NCALD: variants seen among roughly 807,000 people sequenced by gnomAD.
The protein encoded by NCALD is neurocalcin delta, also known as neurocalcin-delta.
A neutral mutation model predicts 18.6 loss-of-function variants in NCALD; 10 were observed. The ratio of observed to expected loss-of-function variants is 0.54; its 90% confidence interval spans 0.33 to 0.91. The LOEUF is 0.91. NCALD is among the 40% of genes least tolerant of loss of function. NCALD has a pLI of 0.03. For synonymous variants in NCALD, 88 were observed against 87.4 expected, an observed-to-expected ratio of 1.01 and a Z score of -0.04; for missense variants, 184 against 247.6, an observed-to-expected ratio of 0.74 and a Z score of 1.72.
chr8:101,751,150 T>C (rs1438818170), intron 1 of NCALD, among the ~76,000 whole-genome samples: 2 of 152,220 alleles, frequency 1.3e-5, no homozygotes, highest in African/African-American at 2.4e-5. Flanking sequence ...AATGGAATAC[T>C]ATCCAGCCTT....
upstream of NCALD, among the ~76,000 whole-genome samples, chr8:101,794,446 C>T (rs1337649127): frequency 1.3e-5 from 2 of 150,266 alleles, no homozygotes; most frequent in African/African-American, 5.0e-5. Flanking sequence ...AAAGAAAGAA[C>T]AAAAATGTTG....
intron 2 of NCALD, among the ~76,000 whole-genome samples, chr8:101,995,208 A>C (rs1821193716): frequency 6.6e-6 from 1 of 152,228 alleles, no homozygotes; most frequent in Non-Finnish European, 1.5e-5. Flanking sequence ...GGCAACTAAG[A>C]TGCGAGAAGG....
chr8:102,019,049 T>G (rs1822184917), intron 2 of NCALD, among the ~76,000 whole-genome samples: 1 of 152,040 alleles, frequency 6.6e-6, no homozygotes, highest in South Asian at 2.1e-4. Context: ...TGCCTACAAC[T>G]CAATAAGAAA....
chr8:101,938,452 G>T (rs1032772151), intron 2 of NCALD, among the ~76,000 whole-genome samples: 1 of 152,172 alleles, frequency 6.6e-6, no homozygotes, highest in African/African-American at 2.4e-5. Flanking sequence ...CTGACTCAGA[G>T]CCAGAGCTCT....
intron 4 of NCALD, among the ~76,000 whole-genome samples, chr8:101,814,612 C>T (rs1276555473): frequency 2.6e-5 from 4 of 151,842 alleles, no homozygotes; most frequent in African/African-American, 4.8e-5. Flanking sequence ...CAACATCATA[C>T]TGGAATGACG....
At chr8:102,121,967 A>G (rs879448071) in intron 1 of NCALD, among the ~76,000 whole-genome samples, 2 of 152,214 alleles carry the variant, frequency 1.3e-5, no homozygotes, top group Non-Finnish European at 2.9e-5. Context: ...TTGTTTATTC[A>G]TTCAACAAAC....
chr8:101,943,645 A>AG lies in NCALD; in HGVS notation c.-156-27788dup, dbSNP rs545291170. ...GGCACATTTGGTGAATCTAATTAAC[A>AG]GGGGCAACTTGTCGGCTGGGCGCCG... On this transcript the variant is annotated intron_variant, in intron 2 of 6. Coordinates refer to the NCALD transcript ENST00000311028. 3.9e-3 allele frequency among the ~76,000 whole-genome samples: 600 copies of AG among 152,312 alleles called. 1 individual carries two copies. The highest frequency in any genetic ancestry group is 6.6e-3 in the Non-Finnish European group (452 of 68,018).
chr8:101,728,047 A>G (rs537639317), intron 1 of NCALD, among the ~76,000 whole-genome samples: 42 of 152,352 alleles, frequency 2.8e-4, no homozygotes, highest in East Asian at 1.3e-3. Context: ...ACTGCAGATG[A>G]AAAAGGTAAA....
At chr8:101,932,670 CAG>C (rs1427343268) in intron 2 of NCALD, among the ~76,000 whole-genome samples, 9 of 152,110 alleles carry the variant, frequency 5.9e-5, no homozygotes, top group African/African-American at 2.2e-4. Flanking sequence ...TTCCTTTGCG[CAG>C]AGTCCTTAAA....
At chr8:101,962,308 T>C (rs1819864932) in intron 2 of NCALD, among the ~76,000 whole-genome samples, 1 of 152,204 alleles carries the variant, frequency 6.6e-6, no homozygotes, top group African/African-American at 2.4e-5. Flanking sequence ...CTTGTTACCT[T>C]GATAGTCCAA....
chr8:101,893,162 C>A (rs1029895747), intron 3 of NCALD, among the ~76,000 whole-genome samples: 2 of 151,896 alleles, frequency 1.3e-5, no homozygotes, highest in Admixed American at 6.5e-5. Context: ...AACAGCGGAT[C>A]TCTCAGCAGA....
chr8:101,950,036 G>A (rs946760276), intron 2 of NCALD, among the ~76,000 whole-genome samples: 40 of 152,184 alleles, frequency 2.6e-4, no homozygotes, highest in African/African-American at 9.2e-4. Flanking sequence ...AGGGAAAGGC[G>A]GCTGATCATT....
chr8:101,876,005 A>G (rs568713633), intron 4 of NCALD, among the ~76,000 whole-genome samples: 1 of 152,236 alleles, frequency 6.6e-6, no homozygotes, highest in Non-Finnish European at 1.5e-5. Context: ...AATCTTTTAG[A>G]GACAGTCTTT....
chr8:101,926,001 C>T (rs530055358), intron 2 of NCALD, among the ~76,000 whole-genome samples: 5 of 152,286 alleles, frequency 3.3e-5, no homozygotes, highest in East Asian at 3.9e-4. Flanking sequence ...TGTGTCTACC[C>T]GGTGTCCCGT....
chr8:101,817,542 A>G (rs79591912), intron 4 of NCALD, among the ~76,000 whole-genome samples: 3,293 of 151,114 alleles, frequency 0.022, 112 homozygotes, highest in African/African-American at 0.071. Context: ...AAATGTAGTT[A>G]TGTTGGTTTT....
intron 4 of NCALD, among the ~76,000 whole-genome samples, chr8:101,859,952 T>C (rs1815473585): frequency 6.6e-6 from 1 of 152,186 alleles, no homozygotes; most frequent in Non-Finnish European, 1.5e-5. Context: ...TTTTAGGATG[T>C]CAGAGATAAA....
intron 4 of NCALD, among the ~76,000 whole-genome samples, chr8:101,866,462 T>C (rs1348190111): frequency 1.3e-5 from 2 of 152,224 alleles, no homozygotes; most frequent in African/African-American, 4.8e-5. Flanking sequence ...ACTGCAGATC[T>C]ATACCTTCAA....
intron 1 of NCALD, among the ~76,000 whole-genome samples, chr8:102,079,587 T>C (rs780520754): frequency 1.3e-5 from 2 of 152,208 alleles, no homozygotes; most frequent in Non-Finnish European, 1.5e-5. Context: ...CTGTTGCCCA[T>C]AACCCAGTTT....
At chr8:102,104,403 AG>A (rs1284117731) in intron 1 of NCALD, among the ~76,000 whole-genome samples, 9 of 152,146 alleles carry the variant, frequency 5.9e-5, no homozygotes, top group Admixed American at 2.6e-4. Flanking sequence ...TTGATCAAAA[AG>A]TAAAGACAAA....
Sources: gnomAD v4.1 joint callset for allele counts (sites outside exome capture counted in the v4.1 genomes callset) on GRCh38, gnomAD v4.1.1 for gene constraint, MANE v1.5 for transcripts, NCBI Gene and HGNC (gene_info 2026-07-23, HGNC 2026-07-21) for gene names.